The following ICE2 variants were observed in gnomAD, a reference collection of about 807,000 sequenced individuals.
ICE2 encodes interactor of little elongation complex ELL subunit 2, also known as little elongation complex subunit 2.
In ICE2, 87 loss-of-function variants were observed where a neutral mutation model predicts 105.4. That is an observed-to-expected ratio of 0.83 (90% CI 0.69 to 0.99). ICE2 has a LOEUF of 0.99. Ranked by LOEUF, ICE2 falls within the 50% of genes least tolerant of loss-of-function variation. ICE2 has a pLI of 0.00. For missense variants in ICE2, 1,323 were observed against 1,146.7 expected (o/e 1.15, Z -2.22); for synonymous variants, 399 against 392.0 (o/e 1.02, Z -0.21).
At chr15:60,430,364 C>G (rs967667869) in intron 14 of ICE2, among the ~76,000 whole-genome samples, 2 of 152,182 alleles carry the variant, frequency 1.3e-5, no homozygotes, top group African/African-American at 4.8e-5. Context: ...GTAGCTTTGC[C>G]AATGCCCTGA....
intron 3 of ICE2, among the ~76,000 whole-genome samples, chr15:60,469,115 C>A (rs2141148535): frequency 6.6e-6 from 1 of 152,246 alleles, no homozygotes; most frequent in East Asian, 1.9e-4. Context: ...TACTATGCAG[C>A]CATAAAAAGG....
chr15:60,441,946 G>T (rs1353366129), intron 12 of ICE2: 2 of 152,206 alleles, frequency 1.3e-5, no homozygotes, highest in Non-Finnish European at 2.9e-5. Flanking sequence ...CAATTAAACA[G>T]TACTCTAAGA....
intron 14 of ICE2, 36 bp from the exon 15 acceptor site, chr15:60,428,723 A>G (rs369032936): frequency 1.9e-6 from 3 of 1,592,322 alleles, no homozygotes; most frequent in Non-Finnish European, 2.6e-6. Flanking sequence ...CCACTGGCTC[A>G]CTGTGTCAAT....
intron 13 of ICE2, among the ~76,000 whole-genome samples, chr15:60,432,760 C>T (rs879413265): frequency 1.8e-3 from 266 of 151,614 alleles, no homozygotes; most frequent in Non-Finnish European, 3.3e-3. Flanking sequence ...GGCGTGGTGG[C>T]GGGCATCTGT....
chr15:60,457,199 T>C (rs887218030), intron 5 of ICE2, among the ~76,000 whole-genome samples: 2 of 152,048 alleles, frequency 1.3e-5, no homozygotes, highest in African/African-American at 4.8e-5. Flanking sequence ...CAGGTCACTC[T>C]AATCTATAAT....
In ICE2 at chr15:60,455,386, C is replaced by T. The variant is rs757572782; in HGVS notation, c.723G>A (p.Leu241=). Residue 241 remains leucine, a synonymous_variant, in exon 7 of 16, where the codon CTG becomes CTA. Transcript: ENST00000261520. ...CAATGGTAGCTATATCGTCCTTTGA[C>T]AGCTGCAACTTTATAGGCATTGAGG... ...VFPSMPIKLQ[L]SKDDIATIET... is the part of the protein sequence containing the mutation. 2 of 1,613,954 alleles carry T rather than the reference C, an allele frequency of 1.2e-6. No homozygotes were observed. The highest frequency in any genetic ancestry group is 1.7e-6 in the Non-Finnish European group (2 of 1,179,944).
intron 3 of ICE2, among the ~76,000 whole-genome samples, chr15:60,474,302 A>C (rs1178764118): frequency 2.6e-5 from 4 of 152,116 alleles, no homozygotes; most frequent in Admixed American, 6.6e-5. Flanking sequence ...TTTTAATGGC[A>C]ATCTGGCAAT....
At chr15:60,453,004 G>C in intron 9 of ICE2, 2 of 947,680 alleles carry the variant, frequency 2.1e-6, no homozygotes, top group Non-Finnish European at 2.5e-6. Flanking sequence ...GCTGAGATGG[G>C]TGGATCACCT....
rs1273504082 is a variant in ICE2, at chr15:60,453,768, T to C, written c.960A>G (p.Lys320=). The change falls in exon 9 of 16, where the codon AAA becomes AAG. Residue 320 remains lysine (K), a synonymous_variant. Transcript: ENST00000261520. ...VIPVAGSKPV[K]VIYINSPLPQ... ...GAAGTGGTGAATTAATATATATTAC[T>C]TTAACTGGTTTTGAACCTTAAAACA... 3 of 1,575,298 alleles carry C rather than the reference T, an allele frequency of 1.9e-6. No individual in the cohort carries two copies. Among genetic ancestry groups the C allele is most frequent in the Non-Finnish European group, 2.6e-6 (3 of 1,145,588 alleles).
In ICE2 at chr15:60,468,063, A is replaced by G. The variant is rs2064479337; in HGVS notation, c.406T>C (p.Leu136=). Residue 136 remains leucine (L), a splice_region_variant and synonymous_variant, in exon 4 of 16, where the codon TTG becomes CTG. Transcript: ENST00000261520. ...AAACTGAAGAACACAATACATACCA[A>G]GTACTGCAAGTAGTCATTTTTATTT... ...GINKNDYLQY[L]DMKKHVNEEV... 1.9e-6 allele frequency: 3 copies of G among 1,609,660 alleles called. No individual in the cohort carries two copies. Among genetic ancestry groups the G allele is most frequent in the Non-Finnish European group, 2.5e-6 (3 of 1,177,890 alleles).
chr15:60,432,823 C>T (rs888979442), intron 13 of ICE2, among the ~76,000 whole-genome samples: 2 of 151,866 alleles, frequency 1.3e-5, no homozygotes, highest in Non-Finnish European at 2.9e-5. Flanking sequence ...GCCCGGGAGG[C>T]GGAGCTTGCA....
intron 5 of ICE2, among the ~76,000 whole-genome samples, chr15:60,458,488 G>A (rs1051227380): frequency 6.6e-6 from 1 of 152,106 alleles, no homozygotes; most frequent in Admixed American, 6.6e-5. Context: ...AACACATAGA[G>A]GAGAAACTAG....
At chr15:60,439,463 C>T (rs1209048190) in intron 12 of ICE2, 1 of 152,160 alleles carries the variant, frequency 6.6e-6, no homozygotes, top group Non-Finnish European at 1.5e-5. Flanking sequence ...TCACTGCAAC[C>T]TCCGCCTCCC....
intron 3 of ICE2, among the ~76,000 whole-genome samples, chr15:60,470,937 C>A (rs554071157): frequency 5.9e-5 from 9 of 152,054 alleles, no homozygotes; most frequent in South Asian, 2.1e-4. Flanking sequence ...CAGTCTGATA[C>A]GGCTGAGAAC....
At position 60,453,680 on chromosome 15, in the gene ICE2, T is replaced by C; in HGVS notation, c.1048A>G (p.Met350Val). 6.2e-7 allele frequency: 1 copy of C among 1,613,524 alleles called. No homozygotes were observed. Among genetic ancestry groups the C allele is most frequent in the South Asian group, 1.1e-5 (1 of 91,076 alleles). Residue 350 changes from methionine to valine, a missense_variant, in exon 9 of 16, where the codon ATG (methionine) becomes GTG (valine). Coordinates refer to ENST00000261520, the MANE Select transcript of ICE2 (RefSeq NM_024611.6). The stretch of plus-strand genomic sequence containing the variant: ...GGAACAGATGTGTTTTTGGACATCA[T>C]AAATTTTAATGGAACTTCATGAAAG... ...QIFHEVPLKFMMSKNTSVPVS... is the reference protein window; with the variant it reads ...QIFHEVPLKFVMSKNTSVPVS...
At chr15:60,431,152 G>A (rs1035435495) in intron 14 of ICE2, among the ~76,000 whole-genome samples, 5 of 151,518 alleles carry the variant, frequency 3.3e-5, no homozygotes, top group South Asian at 2.1e-4. Flanking sequence ...GATTACAGGC[G>A]TGAGCCACTG....
At chr15:60,471,461 A>G (rs2064591602) in intron 3 of ICE2, among the ~76,000 whole-genome samples, 1 of 152,214 alleles carries the variant, frequency 6.6e-6, no homozygotes, top group South Asian at 2.1e-4. Context: ...ATATGAGAAC[A>G]TGTCCGTCCT....
chr15:60,424,315 C>T (rs984272542), intron 15 of ICE2, among the ~76,000 whole-genome samples: 2 of 142,722 alleles, frequency 1.4e-5, no homozygotes, highest in Non-Finnish European at 3.1e-5. Context: ...AAGGAAGTTT[C>T]AAGACAAGAA....
At chr15:60,451,434 G>C (rs2063964434) in intron 9 of ICE2, 1 of 975,054 alleles carries the variant, frequency 1.0e-6, no homozygotes, top group African/African-American at 1.8e-5. Flanking sequence ...ATATCATTAA[G>C]AAAAATGTAA....
Sources: gnomAD v4.1 joint callset for allele counts (sites outside exome capture counted in the v4.1 genomes callset) on GRCh38, gnomAD v4.1.1 for gene constraint, MANE v1.5 for transcripts, NCBI Gene and HGNC (gene_info 2026-07-23, HGNC 2026-07-21) for gene names.